Variants in SRRM4 observed in about 807,000 individuals in gnomAD.
SRRM4 encodes serine/arginine repetitive matrix 4.
A neutral mutation model predicts 68.9 loss-of-function variants in SRRM4; 33 were observed. The ratio of observed to expected loss-of-function variants is 0.48; its 90% CI spans 0.36 to 0.64. SRRM4 has a LOEUF of 0.64. SRRM4 is among the 30% of genes least tolerant of loss of function. The probability of loss-of-function intolerance (pLI) is 0.00; values close to 1 mark genes in which losing one functional copy is unlikely to be tolerated. For synonymous variants in SRRM4, 318 were observed against 318.8 expected (o/e 1.00, Z 0.03); for missense variants, 817 against 827.1 (o/e 0.99, Z 0.15).
At chr12:119,149,132 G>A (rs545605534) in intron 9 of SRRM4, among the ~76,000 whole-genome samples, 93 of 152,292 alleles carry the variant, frequency 6.1e-4, no homozygotes, top group Non-Finnish European at 1.1e-3. Context: ...GGTGGATCAC[G>A]AGGTCAAGAG....
intron 9 of SRRM4, among the ~76,000 whole-genome samples, chr12:119,149,864 C>A (rs1954427997): frequency 6.6e-6 from 1 of 152,188 alleles, no homozygotes; most frequent in African/African-American, 2.4e-5. Context: ...GAACTTGATT[C>A]TTGGCCCAAT....
At chr12:119,126,313 C>A (rs991467131) in intron 7 of SRRM4, among the ~76,000 whole-genome samples, 1 of 152,038 alleles carries the variant, frequency 6.6e-6, no homozygotes, top group Non-Finnish European at 1.5e-5. Context: ...TGTGAGCCAC[C>A]GCCCCCAGCT....
At chr12:119,073,461 G>A (rs1953890405) in intron 1 of SRRM4, among the ~76,000 whole-genome samples, 1 of 151,960 alleles carries the variant, frequency 6.6e-6, no homozygotes, top group African/African-American at 2.4e-5. Flanking sequence ...CCGAGTAGCT[G>A]AGATTACAGG....
chr12:119,109,977 A>G (rs1379949080), intron 2 of SRRM4, among the ~76,000 whole-genome samples: 1 of 152,110 alleles, frequency 6.6e-6, no homozygotes, highest in East Asian at 1.9e-4. Flanking sequence ...GTGGTCTTTG[A>G]TGATGGTGAT....
intron 6 of SRRM4, among the ~76,000 whole-genome samples, chr12:119,124,779 A>G (rs528192245): frequency 6.6e-6 from 1 of 152,248 alleles, no homozygotes; most frequent in African/African-American, 2.4e-5. Context: ...TGGCAGCCCA[A>G]AGGCCTAATT....
At chr12:119,082,598 G>A (rs551383103) in intron 1 of SRRM4, among the ~76,000 whole-genome samples, 4 of 152,166 alleles carry the variant, frequency 2.6e-5, no homozygotes, top group Admixed American at 6.5e-5. Context: ...TCAGCCCCGC[G>A]GGCGCTGTGA....
chr12:119,047,046 A>AAAAAG (rs1953712278), intron 1 of SRRM4, among the ~76,000 whole-genome samples: 3 of 151,498 alleles, frequency 2.0e-5, no homozygotes, highest in Non-Finnish European at 4.4e-5. Context: ...AAAAAAAAAA[A>AAAAAG]AAAGTGTGGA....
At chr12:119,142,974 C>A (rs1954375368) in intron 8 of SRRM4, among the ~76,000 whole-genome samples, 1 of 152,204 alleles carries the variant, frequency 6.6e-6, no homozygotes, top group Non-Finnish European at 1.5e-5. Flanking sequence ...TTAAAAGTCT[C>A]ACTCTAGAAA....
intron 1 of SRRM4, among the ~76,000 whole-genome samples, chr12:119,048,637 A>G (rs1594043581): frequency 6.6e-6 from 1 of 152,220 alleles, no homozygotes; most frequent in East Asian, 1.9e-4. Context: ...GATAATAATA[A>G]TAGCAATTGC....
In SRRM4 at chr12:119,154,171, C is replaced by G; in HGVS notation, c.1392-72C>G. 2.2e-6 allele frequency: 3 copies of G among 1,369,770 alleles called. No individual in the cohort carries two copies. Among genetic ancestry groups the G allele is most frequent in the Non-Finnish European group, 3.0e-6 (3 of 987,664 alleles). The allele number at this position is 1,369,770 out of a possible 1,614,324, so 84.9% of individuals were successfully genotyped here. On this transcript the variant is annotated intron_variant, in intron 11 of 12. Coordinates refer to ENST00000267260, the MANE Select transcript of SRRM4 (RefSeq NM_194286.4). The surrounding 1 kb of genome is among the most constrained non-coding windows in gnomAD (Gnocchi z 4.7). Reference sequence around the variant, plus strand: ...GTGGGGTGGGAAAGAAAGGGAGTGTCCCTCTCCCACGCGCTCACGCAGAAA... The same window carrying G: ...GTGGGGTGGGAAAGAAAGGGAGTGTGCCTCTCCCACGCGCTCACGCAGAAA...
At chr12:119,063,628 TG>T (rs1396604890) in intron 1 of SRRM4, among the ~76,000 whole-genome samples, 1 of 152,182 alleles carries the variant, frequency 6.6e-6, no homozygotes, top group African/African-American at 2.4e-5. Context: ...AATCCTATTT[TG>T]TGCCTGGAAG....
At chr12:119,115,395 A>G (rs1028895242) in intron 3 of SRRM4, among the ~76,000 whole-genome samples, 19 of 152,206 alleles carry the variant, frequency 1.2e-4, no homozygotes, top group African/African-American at 4.3e-4. Context: ...TAGTGTGCCA[A>G]CTCCAGAGGG....
chr12:119,103,266 CTTTTA>C (rs747873160), intron 2 of SRRM4, among the ~76,000 whole-genome samples: 2 of 151,396 alleles, frequency 1.3e-5, no homozygotes, highest in African/African-American at 2.4e-5. Flanking sequence ...TATTTTTTAA[CTTTTA>C]TTTTAGGTTT....
intron 9 of SRRM4, 105 bp from the exon 10 acceptor site, chr12:119,150,912 G>C: frequency 9.9e-7 from 1 of 1,012,144 alleles, no homozygotes; most frequent in Non-Finnish European, 1.5e-6. Flanking sequence ...GGCAAAGAGG[G>C]TTCTATGAGA....
Position 119,120,233 on chromosome 12 carries a change from T to C in SRRM4, c.438-17T>C. 6.5e-7 allele frequency: 1 copy of C among 1,532,394 alleles called. No homozygotes were observed. Among genetic ancestry groups the C allele is most frequent in the Non-Finnish European group, 8.8e-7 (1 of 1,132,528 alleles). 94.9% of individuals were successfully genotyped at this position (1,532,394 alleles called of 1,614,324 possible). A position where few individuals can be genotyped will look rare whatever the true frequency, so the allele number is the denominator to read the frequency against. On this transcript the variant is annotated splice_polypyrimidine_tract_variant and intron_variant, in intron 4 of 12. Coordinates refer to ENST00000267260, the MANE Select transcript of SRRM4 (RefSeq NM_194286.4). Reference sequence around the variant, plus strand: ...CTTTGATTCTTCTTTTCATTTTTTTTCTTTCTTTCTTTTCAGGTCATTCTC... The same window carrying C: ...CTTTGATTCTTCTTTTCATTTTTTTCCTTTCTTTCTTTTCAGGTCATTCTC...
intron 1 of SRRM4, among the ~76,000 whole-genome samples, chr12:118,993,112 G>A (rs1367137011): frequency 2.0e-5 from 3 of 152,146 alleles, no homozygotes; most frequent in East Asian, 1.9e-4. Flanking sequence ...TAAAGATGAA[G>A]AAACTGAGGC....
intron 7 of SRRM4, among the ~76,000 whole-genome samples, chr12:119,130,113 TTAGA>T (rs200308281): frequency 0.016 from 2,364 of 143,878 alleles, 59 homozygotes; most frequent in African/African-American, 0.056. Flanking sequence ...AGATGAATAG[TTAGA>T]TGGATGGATG....
At chr12:119,028,619 G>A (rs1039463876) in intron 1 of SRRM4, among the ~76,000 whole-genome samples, 6 of 152,084 alleles carry the variant, frequency 3.9e-5, no homozygotes, top group Non-Finnish European at 7.4e-5. Flanking sequence ...CATGAAAATG[G>A]ACTAGTACAG....
At chr12:119,111,452 C>T (rs560844304) in intron 2 of SRRM4, among the ~76,000 whole-genome samples, 6 of 152,254 alleles carry the variant, frequency 3.9e-5, no homozygotes, top group South Asian at 2.1e-4. Context: ...AAATCAAGGA[C>T]GAAGTTCTCA....
Sources: allele counts gnomAD v4.1 joint callset (sites outside exome capture counted in the v4.1 genomes callset), GRCh38; gene constraint gnomAD v4.1.1; non-coding constraint Gnocchi (gnomAD v3.1); transcripts MANE v1.5; gene names NCBI Gene and HGNC (gene_info 2026-07-23, HGNC 2026-07-21).